Variants in ZNF821 observed in about 807,000 individuals in gnomAD.
ZNF821 encodes zinc finger protein 821.
In ZNF821, 16 loss-of-function variants were observed where a neutral mutation model predicts 44.3. The ratio of observed to expected loss-of-function variants is 0.36; its 90% CI spans 0.24 to 0.55. ZNF821 has a LOEUF of 0.55. Ranked by LOEUF, ZNF821 falls within the 20% of genes least tolerant of loss-of-function variation. The pLI is 0.86. For missense variants in ZNF821, 436 were observed against 547.6 expected (o/e 0.80, Z 2.03); for synonymous variants, 204 against 197.6 (o/e 1.03, Z -0.27).
intron 3 of ZNF821, among the ~76,000 whole-genome samples, chr16:71,871,667 C>T (rs1360475493): frequency 6.6e-6 from 1 of 152,058 alleles, no homozygotes; most frequent in Non-Finnish European, 1.5e-5. Context: ...CCTCTGGTCC[C>T]TAGATATTAA....
chr16:71,893,932 AATT>A (rs2036914419), intron 1 of ZNF821: 1 of 149,698 alleles, frequency 6.7e-6, no homozygotes, highest in African/African-American at 2.5e-5. Flanking sequence ...ACGCCTGGCT[AATT>A]TTTTCTTTTT....
At chr16:71,866,898 G>C (rs555070955) in intron 4 of ZNF821, among the ~76,000 whole-genome samples, 10 of 152,316 alleles carry the variant, frequency 6.6e-5, no homozygotes, top group African/African-American at 9.6e-5. Flanking sequence ...CTCAAATGTG[G>C]TGAAAAATTG....
intron 1 of ZNF821, chr16:71,894,687 C>T (rs2036928266): frequency 1.7e-6 from 1 of 603,888 alleles, no homozygotes; most frequent in Non-Finnish European, 2.9e-6. Flanking sequence ...TGCTGCTCCC[C>T]TAATTTTTAA....
chr16:71,879,298 C>T (rs1234282949), intron 3 of ZNF821, among the ~76,000 whole-genome samples: 1 of 152,038 alleles, frequency 6.6e-6, no homozygotes, highest in African/African-American at 2.4e-5. Context: ...ACTTCACTTT[C>T]CCTACCTGAT....
At chr16:71,863,498 C>T (rs1231417441) in intron 6 of ZNF821, among the ~76,000 whole-genome samples, 8 of 151,230 alleles carry the variant, frequency 5.3e-5, no homozygotes, top group Non-Finnish European at 1.0e-4. Flanking sequence ...GCTATCCTTC[C>T]ACCTCAGTCT....
intron 1 of ZNF821, among the ~76,000 whole-genome samples, chr16:71,892,167 A>T (rs189405600): frequency 0.013 from 1,383 of 104,926 alleles, 20 homozygotes; most frequent in South Asian, 0.038. Context: ...AACAAGAGAG[A>T]AACTCCGTCT....
intron 1 of ZNF821, among the ~76,000 whole-genome samples, chr16:71,893,143 G>C (rs1409189853): frequency 6.9e-6 from 1 of 144,366 alleles, no homozygotes; most frequent in Non-Finnish European, 1.5e-5. Context: ...TCCTGCCTCA[G>C]CCTCCCGAGT....
intron 3 of ZNF821, among the ~76,000 whole-genome samples, chr16:71,877,575 T>C (rs1291667882): frequency 6.6e-6 from 1 of 152,110 alleles, no homozygotes; most frequent in Admixed American, 6.6e-5. Context: ...AGCATGTTTT[T>C]AAGAAATTTT....
At chr16:71,879,800 C>G in intron 3 of ZNF821, 107 bp downstream of exon 3, 1 of 1,105,298 alleles carries the variant, frequency 9.0e-7, no homozygotes. Context: ...TACATTTAAA[C>G]TTTTCTTCTT....
chr16:71,893,110 A>C (rs1227892201), intron 1 of ZNF821, among the ~76,000 whole-genome samples: 1 of 133,548 alleles, frequency 7.5e-6, no homozygotes, highest in African/African-American at 2.8e-5. Flanking sequence ...GCTCACTGCA[A>C]TCTCTATCTC....
intron 1 of ZNF821, among the ~76,000 whole-genome samples, chr16:71,893,719 A>G (rs1176111656): frequency 6.7e-6 from 1 of 150,286 alleles, no homozygotes; most frequent in Admixed American, 6.6e-5. Flanking sequence ...TCGGCCACCC[A>G]AAGTGCTGAG....
At chr16:71,887,726 C>T (rs1209670797), upstream of ZNF821, among the ~76,000 whole-genome samples, 1 of 152,120 alleles carries the variant, frequency 6.6e-6, no homozygotes, top group East Asian at 1.9e-4. Flanking sequence ...GATATAAAGT[C>T]ATATCTCATT....
intron 3 of ZNF821, among the ~76,000 whole-genome samples, chr16:71,879,193 C>T (rs1314462421): frequency 6.6e-6 from 1 of 152,182 alleles, no homozygotes; most frequent in Non-Finnish European, 1.5e-5. Flanking sequence ...CATCTCTAAC[C>T]TCACATCTTC....
intron 1 of ZNF821, among the ~76,000 whole-genome samples, chr16:71,893,453 C>T (rs1400363640): frequency 1.3e-5 from 2 of 151,050 alleles, no homozygotes; most frequent in Non-Finnish European, 3.0e-5. Flanking sequence ...TGAGCCACCA[C>T]GCCTGGCCCA....
At chr16:71,864,106 T>C in intron 6 of ZNF821, 32 bp downstream of exon 6, 1 of 1,590,074 alleles carries the variant, frequency 6.3e-7, no homozygotes, top group Non-Finnish European at 8.6e-7. Context: ...CCCACACTTG[T>C]GTTCCAGAGC....
rs2036615179 is a variant in ZNF821 at position 71,883,254 on chromosome 16, T to C, written c.-121A>G. On this transcript the variant is annotated 5_prime_UTR_variant, in exon 2 of 8. Coordinates refer to ENST00000425432, the MANE Select transcript of ZNF821 (RefSeq NM_001201552.2). ...TCCCACGGAGCAAAGCAAACTCGAC[T>C]GAATCCAAGTGATCTGTATCTGCCA... The C allele has an allele frequency of 2.2e-6, 1 of 455,442 alleles. No homozygotes were observed. The highest frequency in any genetic ancestry group is 4.4e-6 in the Non-Finnish European group (1 of 226,484). The allele number at this position is 455,442 out of a possible 1,614,324, so 28.2% of individuals were successfully genotyped here.
At chr16:71,866,603 TCG>T (rs1187055003) in intron 4 of ZNF821, among the ~76,000 whole-genome samples, 1 of 152,212 alleles carries the variant, frequency 6.6e-6, no homozygotes, top group African/African-American at 2.4e-5. Flanking sequence ...CAAATATATC[TCG>T]CTACTAGAAA....
upstream of ZNF821, among the ~76,000 whole-genome samples, chr16:71,886,096 T>A (rs1371365910): frequency 6.6e-6 from 1 of 152,242 alleles, no homozygotes; most frequent in Non-Finnish European, 1.5e-5. Context: ...TTATGTAATG[T>A]TGGGCAGCTT....
In ZNF821 at chr16:71,860,367, C is replaced by T. The variant is rs761280650; in HGVS notation, c.890G>A (p.Arg297His). Residue 297 changes from arginine (R) to histidine (H), a missense_variant, in exon 8 of 8, where the codon CGC (arginine) becomes CAC (histidine). By Grantham distance (29) the Arg-to-His change is conservative. Around this residue, in one of 5 missense-constraint regions of ZNF821, gnomAD observed 72 missense variants for 133.3 expected, o/e 0.54. Coordinates refer to ENST00000425432, the MANE Select transcript of ZNF821 (RefSeq NM_001201552.2). This position sits in a 1 kb window ranked among gnomAD's most constrained non-coding sequence, Gnocchi z 7.3. Reference sequence around the variant, plus strand: ...GCGCTTGGCTTCACGGTCCCTCATGCGCCTCACCTCCCGCTCCTCGGGGGT... The same window carrying T: ...GCGCTTGGCTTCACGGTCCCTCATGTGCCTCACCTCCCGCTCCTCGGGGGT... The part of the protein sequence containing the change: ...NETPEEREVR[R>H]MRDREAKRLQ... The T allele has an allele frequency of 5.0e-6, 8 of 1,611,632 alleles. No homozygotes were observed. The highest frequency in any genetic ancestry group is 1.6e-4 in the Middle Eastern group (1 of 6,062).
Sources: gnomAD v4.1 joint callset for allele counts (sites outside exome capture counted in the v4.1 genomes callset) on GRCh38, gnomAD v4.1.1 for gene constraint, gnomAD v4.1.1 regional missense constraint, Gnocchi (gnomAD v3.1) non-coding constraint, MANE v1.5 for transcripts, NCBI Gene and HGNC (gene_info 2026-07-23, HGNC 2026-07-21) for gene names.